Variants in LIN28B observed in about 807,000 individuals in gnomAD.
LIN28B encodes the protein protein lin-28 homolog B.
In LIN28B, 5 loss-of-function variants were observed where a neutral mutation model predicts 21.9. The ratio of observed to expected loss-of-function variants is 0.23; its 90% CI spans 0.12 to 0.48. LIN28B has a LOEUF of 0.48. LIN28B is among the 20% of genes least tolerant of loss of function. LIN28B has a pLI of 0.98. For missense variants in LIN28B, 245 were observed against 310.5 expected, an observed-to-expected ratio of 0.79 and a Z score of 1.58; for synonymous variants, 109 against 111.3, an observed-to-expected ratio of 0.98 and a Z score of 0.13.
intron 3 of LIN28B, among the ~76,000 whole-genome samples, chr6:105,051,515 A>G (rs1771903329): frequency 6.6e-6 from 1 of 151,586 alleles, no homozygotes; most frequent in Non-Finnish European, 1.5e-5. Flanking sequence ...TGTATACTAC[A>G]TTCTTTCCTT....
At chr6:104,956,922 T>A, upstream of LIN28B, 1 of 424,570 alleles carries the variant, frequency 2.4e-6, no homozygotes, top group Non-Finnish European at 4.0e-6. Context: ...AGATAACATG[T>A]TTGAGTTTTT....
chr6:104,962,630 A>G lies in LIN28B; in HGVS notation c.198+4344A>G, dbSNP rs529238868. Among the ~76,000 whole-genome samples the G allele has an allele frequency of 5.7e-4, 87 of 152,302 alleles. No homozygotes were observed. In the South Asian group the frequency reaches 0.017, roughly 29 times the overall value. ...AAATTTCTTACACATAGTTCAATCA[A>G]TTGATCTAATATAGAGTTCTTATGT... is the stretch of plus-strand genomic sequence containing the variant. On this transcript the variant is annotated intron_variant, in intron 2 of 3. Transcript: ENST00000345080.
intron 3 of LIN28B, among the ~76,000 whole-genome samples, chr6:105,034,445 C>CTAA (rs1771485597): frequency 6.6e-6 from 1 of 151,682 alleles, no homozygotes; most frequent in African/African-American, 2.4e-5. Context: ...AGAAAGAAGG[C>CTAA]TAATAGACTG....
At chr6:104,950,019 T>G (rs1000055685) in intron 2 of LIN28B, among the ~76,000 whole-genome samples, 3 of 152,220 alleles carry the variant, frequency 2.0e-5, no homozygotes, top group Non-Finnish European at 2.9e-5. Context: ...CATCGTTAGA[T>G]TCTCATGATT....
intron 2 of LIN28B, among the ~76,000 whole-genome samples, chr6:104,994,808 G>T (rs1770566305): frequency 6.6e-6 from 1 of 152,162 alleles, no homozygotes; most frequent in Non-Finnish European, 1.5e-5. Context: ...GGAAAGGTTG[G>T]CCTTAAACTT....
intron 3 of LIN28B, among the ~76,000 whole-genome samples, chr6:105,027,036 ATGTACCAAAATATAATT>A (rs1175083945): frequency 6.6e-6 from 1 of 152,126 alleles, no homozygotes; most frequent in Non-Finnish European, 1.5e-5. Context: ...TACTATTTGA[ATGTACCAAAATATAATT>A]TAAAGAATAA....
rs1778226947 is a variant in LIN28B, at chr6:104,952,048, CAAAT to C, written c.67+1543_67+1546del. ...TTCTGATATACTTGCCCTCTCCCCTCAAATAAACCCAAAGGGTAAATATTGAAAT... is the reference window on the plus strand; with the variant it reads ...TTCTGATATACTTGCCCTCTCCCCTCAAACCCAAAGGGTAAATATTGAAAT... On this transcript the variant is annotated intron_variant, in intron 3 of 5. Coordinates refer to the LIN28B transcript ENST00000635857. Among the ~76,000 whole-genome samples, 2 of 152,190 alleles carry C rather than the reference CAAAT, an allele frequency of 1.3e-5. 1 individual carries two copies. Among genetic ancestry groups the C allele is most frequent in the South Asian group, 4.1e-4 (2 of 4,830 alleles).
intron 2 of LIN28B, among the ~76,000 whole-genome samples, chr6:105,020,205 G>A (rs1476913904): frequency 1.3e-5 from 2 of 148,452 alleles, no homozygotes; most frequent in Non-Finnish European, 1.5e-5. Flanking sequence ...CCTTGACCAC[G>A]GTTCAAGCAA....
chr6:105,009,973 A>G (rs1011345193), intron 2 of LIN28B, among the ~76,000 whole-genome samples: 1 of 152,034 alleles, frequency 6.6e-6, no homozygotes, highest in Non-Finnish European at 1.5e-5. Context: ...CTCTTCATCT[A>G]CCTTCTCCCC....
intron 2 of LIN28B, among the ~76,000 whole-genome samples, chr6:105,011,251 A>G (rs1427813541): frequency 1.3e-5 from 2 of 152,152 alleles, no homozygotes; most frequent in Middle Eastern, 3.2e-3. Context: ...GTGCAGTGGC[A>G]TGATCATGGC....
intron 2 of LIN28B, among the ~76,000 whole-genome samples, chr6:104,967,555 G>C (rs1298037264): frequency 9.5e-6 from 1 of 105,700 alleles, no homozygotes; most frequent in Non-Finnish European, 1.7e-5. Flanking sequence ...CACTCCAGGC[G>C]ACAAGAGTGA....
At chr6:105,014,121 A>T (rs1218984897) in intron 2 of LIN28B, among the ~76,000 whole-genome samples, 1 of 152,002 alleles carries the variant, frequency 6.6e-6, no homozygotes, top group Non-Finnish European at 1.5e-5. Flanking sequence ...CTTAGTTTGA[A>T]ACCCTATGAT....
intron 2 of LIN28B, among the ~76,000 whole-genome samples, chr6:105,006,224 GAT>G (rs1390449919): frequency 1.3e-5 from 2 of 152,112 alleles, no homozygotes; most frequent in African/African-American, 4.8e-5. Context: ...TCAGCCCTAA[GAT>G]AACACCAAGT....
intron 3 of LIN28B, among the ~76,000 whole-genome samples, chr6:105,050,433 T>C (rs1771874901): frequency 6.6e-6 from 1 of 151,244 alleles, no homozygotes; most frequent in Non-Finnish European, 1.5e-5. Flanking sequence ...AAACCCCGTC[T>C]CTACTAAAAA....
At chr6:104,976,256 G>C (rs60350614) in intron 2 of LIN28B, among the ~76,000 whole-genome samples, 1 of 152,178 alleles carries the variant, frequency 6.6e-6, no homozygotes, top group Admixed American at 6.6e-5. Context: ...AGTAAAATTA[G>C]TATGATAAAG....
chr6:104,966,563 C>G lies in LIN28B; in HGVS notation c.198+8277C>G, dbSNP rs1451687749. On this transcript the variant is annotated intron_variant, in intron 2 of 3. Transcript: ENST00000345080. Reference sequence around the variant, plus strand: ...CAAACTCCTGACTCAAGCAATTATCCCACCTGAGCCTTCTGAGATGCTGGG... The same window carrying G: ...CAAACTCCTGACTCAAGCAATTATCGCACCTGAGCCTTCTGAGATGCTGGG... Among the ~76,000 whole-genome samples the G allele has an allele frequency of 5.3e-5, 8 of 151,612 alleles. No homozygotes were observed. The South Asian group carries it at 1.3e-3, about 24-fold the overall frequency.
intron 2 of LIN28B, among the ~76,000 whole-genome samples, chr6:104,985,791 A>G (rs537553473): frequency 5.0e-4 from 76 of 152,206 alleles, no homozygotes; most frequent in Non-Finnish European, 9.3e-4. Flanking sequence ...ATTTACATCT[A>G]TGGTCCATAT....
At chr6:105,070,354 G>A (rs1019230574) in intron 3 of LIN28B, among the ~76,000 whole-genome samples, 2 of 152,060 alleles carry the variant, frequency 1.3e-5, no homozygotes, top group African/African-American at 4.8e-5. Context: ...TGGCAATGGG[G>A]TTTTATAATT....
At chr6:105,051,457 A>C (rs1442827455) in intron 3 of LIN28B, among the ~76,000 whole-genome samples, 1 of 151,920 alleles carries the variant, frequency 6.6e-6, no homozygotes, top group Non-Finnish European at 1.5e-5. Context: ...AAAGAAAGAA[A>C]AAGAAAGAGC....
Sources: gnomAD v4.1 joint callset for allele counts (sites outside exome capture counted in the v4.1 genomes callset) on GRCh38, gnomAD v4.1.1 for gene constraint, MANE v1.5 for transcripts, NCBI Gene and HGNC (gene_info 2026-07-23, HGNC 2026-07-21) for gene names.